SVEP1: variants seen among roughly 807,000 people sequenced by gnomAD.
The protein encoded by SVEP1 is sushi, von Willebrand factor type A, EGF and pentraxin domain containing 1.
A neutral mutation model predicts 367.3 loss-of-function variants in SVEP1; 164 were observed. The observed-to-expected ratio is 0.45, with a 90% CI of 0.39 to 0.51. The LOEUF (loss-of-function observed/expected upper bound fraction) is 0.51. SVEP1 is among the 20% of genes least tolerant of loss of function. The pLI, the probability that SVEP1 is intolerant of heterozygous loss-of-function variation, is 0.00. For missense variants in SVEP1, 4,117 were observed against 4,425.3 expected, an observed-to-expected ratio of 0.93 and a Z score of 1.98; for synonymous variants, 1,666 against 1,611.6, an observed-to-expected ratio of 1.03 and a Z score of -0.81.
rs1827958075 is a variant in SVEP1, at chr9:110,406,601, G to T, written c.8999C>A (p.Pro3000His). Residue 3000 changes from proline to histidine, a missense_variant, in exon 38 of 48, where the codon CCT (proline) becomes CAT (histidine). Pro to His is a moderately conservative substitution (Grantham distance 77, BLOSUM62 -2). Around this residue, in one of 4 missense-constraint regions of SVEP1, gnomAD observed 1,765 missense variants for 1,781.1 expected, o/e 0.99. Coordinates refer to ENST00000374469, the MANE Select transcript of SVEP1 (RefSeq NM_153366.4). ...LSNGSWSGSS[P>H]SCLPCRCSTP... ...GGAACATCTGCAAGGCAGGCAGGAAGGTGAGCTGCCACTCCAGGAGCCATT... is the reference window on the plus strand; with the variant it reads ...GGAACATCTGCAAGGCAGGCAGGAATGTGAGCTGCCACTCCAGGAGCCATT... 2.5e-6 allele frequency: 4 copies of T among 1,613,756 alleles called. 1 individual carries two copies. Among genetic ancestry groups the T allele is most frequent in the Admixed American group, 1.7e-5 (1 of 59,994 alleles).
intron 36 of SVEP1, among the ~76,000 whole-genome samples, chr9:110,423,138 A>AT (rs1175758430): frequency 2.3e-5 from 2 of 85,474 alleles, no homozygotes; most frequent in South Asian, 3.9e-4. Context: ...AATAATAATA[A>AT]AAAAAAAATA....
intron 3 of SVEP1, among the ~76,000 whole-genome samples, chr9:110,532,788 G>A (rs1403549256): frequency 6.6e-6 from 1 of 152,064 alleles, no homozygotes; most frequent in Non-Finnish European, 1.5e-5. Context: ...ACTGCTATCT[G>A]CTAGGTAATA....
chr9:110,558,327 T>C (rs113573691), intron 1 of SVEP1, among the ~76,000 whole-genome samples: 12,119 of 108,128 alleles, frequency 0.11, 714 homozygotes, highest in Non-Finnish European at 0.14. Flanking sequence ...AGAAACCCTG[T>C]CTCTACAAAA....
Position 110,412,553 on chromosome 9 carries a change from T to TTAAACTAAAGAGCTTCTGC in SVEP1, c.5976-837_5976-819dup, listed in dbSNP as rs1564135927. On this transcript the variant is annotated intron_variant, in intron 36 of 47. Transcript: ENST00000374469. ...GACAAAATTGACAAATGGGATCTAATTAAACTAAAGAGCTTCTGCACAGCA... is the reference window on the plus strand; with the variant it reads ...GACAAAATTGACAAATGGGATCTAATTAAACTAAAGAGCTTCTGCTAAACTAAAGAGCTTCTGCACAGCA... Among the ~76,000 whole-genome samples, 7 of 152,006 alleles carry TTAAACTAAAGAGCTTCTGC rather than the reference T, an allele frequency of 4.6e-5. No homozygotes were observed. The South Asian group carries it at 1.5e-3, about 32-fold the overall frequency.
In SVEP1 at chr9:110,427,664, C is replaced by T; in HGVS notation, c.5902G>A (p.Ala1968Thr). 1 of 1,613,902 alleles carries T rather than the reference C, an allele frequency of 6.2e-7. No homozygotes were observed. The highest frequency in any genetic ancestry group is 8.5e-7 in the Non-Finnish European group (1 of 1,179,850). Residue 1968 changes from alanine to threonine, a missense_variant, in exon 36 of 48, where the codon GCC becomes ACC. Around this residue, in one of 4 missense-constraint regions of SVEP1, gnomAD observed 2,174 missense variants for 2,494.3 expected, o/e 0.87. Coordinates refer to ENST00000374469, the MANE Select transcript of SVEP1 (RefSeq NM_153366.4). ...CHLVFCGEPP[A>T]IKDAVITGNN... The stretch of plus-strand genomic sequence containing the variant: ...CCCGTAATGACAGCATCTTTGATGG[C>T]AGGTGGTTCTCCACAGAAGACGAGG...
intron 27 of SVEP1, among the ~76,000 whole-genome samples, chr9:110,438,167 T>C (rs1007629027): frequency 1.4e-4 from 21 of 148,214 alleles, no homozygotes; most frequent in East Asian, 1.2e-3. Context: ...TGAGTTTTAG[T>C]AGTTATGCTA....
intron 16 of SVEP1, among the ~76,000 whole-genome samples, chr9:110,469,366 AGT>A (rs1299875576): frequency 6.6e-6 from 1 of 152,258 alleles, no homozygotes; most frequent in Non-Finnish European, 1.5e-5. Flanking sequence ...GGGGTTTAAA[AGT>A]GTGGGTTAAA....
At chr9:110,402,410 T>G (rs1827877917) in intron 39 of SVEP1, among the ~76,000 whole-genome samples, 1 of 152,134 alleles carries the variant, frequency 6.6e-6, no homozygotes, top group Non-Finnish European at 1.5e-5. Flanking sequence ...ACAGAATCAT[T>G]TTGTCACATT....
At chr9:110,401,319 A>T (rs1291296803) in intron 39 of SVEP1, among the ~76,000 whole-genome samples, 1 of 152,104 alleles carries the variant, frequency 6.6e-6, no homozygotes, top group African/African-American at 2.4e-5. Context: ...ATAATGCACG[A>T]GAACTGGAGG....
chr9:110,567,098 T>C (rs1420226338), intron 1 of SVEP1, among the ~76,000 whole-genome samples: 1 of 152,212 alleles, frequency 6.6e-6, no homozygotes, highest in African/African-American at 2.4e-5. Context: ...GAAAACACAA[T>C]ATAATGCTTG....
chr9:110,399,827 C>T lies in SVEP1; in HGVS notation c.9822+1027G>A, dbSNP rs561974839. Among the ~76,000 whole-genome samples the T allele has an allele frequency of 2.6e-4, 40 of 152,270 alleles. No individual in the cohort carries two copies. The South Asian group carries it at 6.0e-3, about 23-fold the overall frequency. ...GGGATTACAGGTGTGAGTCACGACA[C>T]CCAGCCAAAACCTACCTTTAAATAC... On this transcript the variant is annotated intron_variant, in intron 40 of 47. Coordinates refer to ENST00000374469, the MANE Select transcript of SVEP1 (RefSeq NM_153366.4).
chr9:110,579,615 G>T lies in SVEP1; in HGVS notation c.-72C>A. 6.9e-7 allele frequency: 1 copy of T among 1,451,038 alleles called. No homozygotes were observed. The highest frequency in any genetic ancestry group is 1.4e-5 in the South Asian group (1 of 69,394). The allele number at this position is 1,451,038 out of a possible 1,614,324, so 89.9% of individuals were successfully genotyped here. On this transcript the variant is annotated 5_prime_UTR_variant, in exon 1 of 48. Transcript: ENST00000374469. The surrounding 1 kb of genome is among the most constrained non-coding windows in gnomAD (Gnocchi z 5.3). Reference sequence around the variant, plus strand: ...GGCGGGAAGAGGCGCTGGGCGGCCGGACTCGCAGAGGGGCGTGCGCGGAGC... The same window carrying T: ...GGCGGGAAGAGGCGCTGGGCGGCCGTACTCGCAGAGGGGCGTGCGCGGAGC...
intron 3 of SVEP1, among the ~76,000 whole-genome samples, chr9:110,528,156 G>GTGTGTGTGTGTGTATGTATATATATATA: frequency 2.9e-5 from 1 of 33,940 alleles, no homozygotes; most frequent in Non-Finnish European, 5.7e-5. Context: ...GTGTGTGTGT[G>GTGTGTGTGTGTGTATGTATATATATATA]TATATATATA....
intron 25 of SVEP1, 22 bp downstream of exon 25, chr9:110,446,878 A>G: frequency 6.8e-7 from 1 of 1,480,884 alleles, no homozygotes. Flanking sequence ...ATTGTTATTA[A>G]TAACACTGAG....
Position 110,410,281 on chromosome 9 carries a change from C to T in SVEP1, c.6648+782G>A, listed in dbSNP as rs144365827. 3.4e-3 allele frequency among the ~76,000 whole-genome samples: 512 copies of T among 152,200 alleles called. 2 individuals are homozygous for T. Among genetic ancestry groups the T allele is most frequent in the African/African-American group, 0.012 (488 of 41,524 alleles). The stretch of plus-strand genomic sequence containing the variant: ...GATTTGGGGGAATAGATTCTCATTC[C>T]TATTTTCTTGGTAGGCTTATTGAGA... On this transcript the variant is annotated intron_variant, in intron 37 of 47. Coordinates refer to ENST00000374469, the MANE Select transcript of SVEP1 (RefSeq NM_153366.4).
intron 40 of SVEP1, among the ~76,000 whole-genome samples, chr9:110,397,106 C>G (rs1313751097): frequency 6.6e-6 from 1 of 152,178 alleles, no homozygotes; most frequent in Non-Finnish European, 1.5e-5. Flanking sequence ...AAAATACTGG[C>G]AAACCGAATC....
At chr9:110,401,546 T>A (rs952881970) in intron 39 of SVEP1, among the ~76,000 whole-genome samples, 1 of 149,576 alleles carries the variant, frequency 6.7e-6, no homozygotes, top group South Asian at 2.1e-4. Flanking sequence ...TATATATATA[T>A]AATTTTGTAT....
At chr9:110,390,595 C>G (rs1430889172) in intron 40 of SVEP1, among the ~76,000 whole-genome samples, 1 of 151,136 alleles carries the variant, frequency 6.6e-6, no homozygotes, top group Admixed American at 6.6e-5. Context: ...AATATATACT[C>G]TTTTCTTTTT....
chr9:110,434,403 C>T lies in SVEP1; in HGVS notation c.4992G>A (p.Leu1664=), dbSNP rs1487784347. 1.9e-6 allele frequency: 3 copies of T among 1,613,396 alleles called. No homozygotes were observed. In the Admixed American group the frequency reaches 5.0e-5, roughly 27 times the overall value. Residue 1664 remains leucine, a synonymous_variant, in exon 30 of 48, where the codon CTG becomes CTA. Transcript: ENST00000374469. ...GACAGTACTGCACAGGGTTCCCGAC[C>T]AGCTGGAAGCCTGGATCACAGAACA... is the stretch of plus-strand genomic sequence containing the variant. ...VNLFCDPGFQ[L]VGNPVQYCLN... is the part of the protein sequence containing the mutation.
Sources: gnomAD v4.1 joint callset for allele counts (sites outside exome capture counted in the v4.1 genomes callset) on GRCh38, gnomAD v4.1.1 for gene constraint, gnomAD v4.1.1 regional missense constraint, Gnocchi (gnomAD v3.1) non-coding constraint, MANE v1.5 for transcripts, NCBI Gene and HGNC (gene_info 2026-07-23, HGNC 2026-07-21) for gene names.